The following C9orf153 variants were observed in gnomAD, a reference collection of about 807,000 sequenced individuals.
The protein encoded by C9orf153 is uncharacterized protein C9orf153.
In C9orf153, 10 loss-of-function variants were observed where a neutral mutation model predicts 9.0. The observed-to-expected ratio is 1.11, with a 90% CI of 0.69 to 1.89. The LOEUF (loss-of-function observed/expected upper bound fraction) is 1.89. Ranked by LOEUF, C9orf153 falls within the 40% of genes most tolerant of loss-of-function variation. The pLI, the probability that C9orf153 is intolerant of heterozygous loss-of-function variation, is 0.00. For synonymous variants in C9orf153, 35 were observed against 37.3 expected (o/e 0.94, Z 0.23); for missense variants, 108 against 111.0 (o/e 0.97, Z 0.12).
At chr9:86,248,839 C>G (rs1824927624) in intron 1 of C9orf153, among the ~76,000 whole-genome samples, 1 of 152,130 alleles carries the variant, frequency 6.6e-6, no homozygotes, top group African/African-American at 2.4e-5. Flanking sequence ...CTTAGCCCAC[C>G]TTCCCCATCA....
At chr9:86,256,888 T>G (rs1340884666) in intron 1 of C9orf153, among the ~76,000 whole-genome samples, 3 of 152,134 alleles carry the variant, frequency 2.0e-5, no homozygotes, top group Admixed American at 1.3e-4. Flanking sequence ...AGTGAGTCAC[T>G]GTGGCATGCA....
At chr9:86,240,175 C>T (rs952221119) in intron 1 of C9orf153, among the ~76,000 whole-genome samples, 1 of 151,940 alleles carries the variant, frequency 6.6e-6, no homozygotes, top group African/African-American at 2.4e-5. Context: ...AATTATAATC[C>T]CCATTTTACA....
At chr9:86,229,070 C>G (rs1724933921) in intron 2 of C9orf153, 1 of 164,720 alleles carries the variant, frequency 6.1e-6, no homozygotes, top group Admixed American at 6.4e-5. Context: ...AATTGTGTAT[C>G]TGTCTTGTAA....
At chr9:86,223,696 T>C (rs1230150285) in intron 3 of C9orf153, among the ~76,000 whole-genome samples, 1 of 152,138 alleles carries the variant, frequency 6.6e-6, no homozygotes, top group African/African-American at 2.4e-5. Flanking sequence ...TGGAAAATCG[T>C]TGCTTCCGTA....
At chr9:86,223,851 C>T (rs1370562887) in intron 3 of C9orf153, among the ~76,000 whole-genome samples, 1 of 152,132 alleles carries the variant, frequency 6.6e-6, no homozygotes, top group African/African-American at 2.4e-5. Context: ...GAGCCCAGGT[C>T]CTTGGAGACA....
At chr9:86,228,080 T>C in intron 2 of C9orf153, 50 bp from the exon 3 acceptor site, 1 of 1,378,570 alleles carries the variant, frequency 7.3e-7, no homozygotes, top group Non-Finnish European at 9.9e-7. Context: ...AAAAATGTAA[T>C]ATTCTGGCAG....
chr9:86,224,755 G>A (rs1174940666), intron 3 of C9orf153, among the ~76,000 whole-genome samples: 4 of 140,584 alleles, frequency 2.8e-5, no homozygotes, highest in African/African-American at 8.3e-5. Flanking sequence ...GTAAAACCCC[G>A]TCTCTACTAA....
chr9:86,244,048 C>T (rs1486290909), intron 1 of C9orf153, among the ~76,000 whole-genome samples: 1 of 152,092 alleles, frequency 6.6e-6, no homozygotes, highest in Non-Finnish European at 1.5e-5. Flanking sequence ...AGCCACTAGC[C>T]AAATGTGGTT....
intron 1 of C9orf153, among the ~76,000 whole-genome samples, chr9:86,234,647 C>G (rs7026474): frequency 0.54 from 82,410 of 152,028 alleles, 24,408 homozygotes; most frequent in East Asian, 0.82. Context: ...GTGACCCTGG[C>G]TTAGACAATG....
Position 86,229,334 on chromosome 9 carries a change from C to T in C9orf153, c.66+204G>A, listed in dbSNP as rs373961109. Reference sequence around the variant, plus strand: ...AACGAATTATACAACCACACTATCACGAAAACAGCTCAGCACTTCTGCCCA... The same window carrying T: ...AACGAATTATACAACCACACTATCATGAAAACAGCTCAGCACTTCTGCCCA... On this transcript the variant is annotated intron_variant, in intron 2 of 3. Coordinates refer to ENST00000339137, the MANE Select transcript of C9orf153 (RefSeq NM_001276366.4). Among the ~76,000 whole-genome samples the T allele has an allele frequency of 7.9e-5, 12 of 151,900 alleles. No individual in the cohort carries two copies. In the South Asian group the frequency reaches 1.0e-3, roughly 13 times the overall value.
intron 3 of C9orf153, among the ~76,000 whole-genome samples, chr9:86,226,838 C>T (rs754325170): frequency 2.6e-5 from 4 of 152,146 alleles, no homozygotes; most frequent in Non-Finnish European, 4.4e-5. Flanking sequence ...GATCTCTGCT[C>T]ACTGCAATCT....
chr9:86,236,548 C>CAAAA (rs976982879), intron 1 of C9orf153, among the ~76,000 whole-genome samples: 6 of 65,334 alleles, frequency 9.2e-5, no homozygotes, highest in Admixed American at 2.0e-4. Context: ...GACTCCATCT[C>CAAAA]AAAAAAAAAA....
intron 1 of C9orf153, among the ~76,000 whole-genome samples, chr9:86,254,926 G>T (rs1254012465): frequency 2.6e-5 from 4 of 152,098 alleles, no homozygotes; most frequent in African/African-American, 9.7e-5. Context: ...TTAGCTGGGT[G>T]TGGTGATGCA....
At chr9:86,243,556 C>T (rs1326368584) in intron 1 of C9orf153, among the ~76,000 whole-genome samples, 2 of 151,660 alleles carry the variant, frequency 1.3e-5, no homozygotes, top group Non-Finnish European at 2.9e-5. Context: ...ACCTCTGCCT[C>T]CCAGGTTCAA....
At position 86,254,937 on chromosome 9, in the gene C9orf153, T is replaced by C. The variant is rs147719549; in HGVS notation, c.-27+4613A>G. Among the ~76,000 whole-genome samples the C allele has an allele frequency of 7.0e-4, 106 of 152,120 alleles. 2 individuals are homozygous for C. In the East Asian group the frequency reaches 0.011, roughly 16 times the overall value. On this transcript the variant is annotated intron_variant, in intron 1 of 3. Coordinates refer to ENST00000339137, the MANE Select transcript of C9orf153 (RefSeq NM_001276366.4). ...AAAATTAGCTGGGTGTGGTGATGCA[T>C]GCCTGTAGTCCCAGCTACTGAGGAG...
chr9:86,241,357 A>C (rs1824739703), intron 1 of C9orf153, among the ~76,000 whole-genome samples: 1 of 136,078 alleles, frequency 7.3e-6, no homozygotes, highest in African/African-American at 2.7e-5. Flanking sequence ...CGTGGTAGAT[A>C]CTCATCTTCT....
At chr9:86,243,034 T>C (rs1407436838) in intron 1 of C9orf153, among the ~76,000 whole-genome samples, 1 of 152,194 alleles carries the variant, frequency 6.6e-6, no homozygotes, top group Non-Finnish European at 1.5e-5. Context: ...AAGAGGGGCT[T>C]TGGCACTTTA....
intron 3 of C9orf153, among the ~76,000 whole-genome samples, chr9:86,223,992 C>A (rs1275433860): frequency 6.6e-6 from 1 of 152,164 alleles, no homozygotes; most frequent in African/African-American, 2.4e-5. Context: ...TAGTGGCATG[C>A]ACCTGTAGTC....
intron 1 of C9orf153, among the ~76,000 whole-genome samples, chr9:86,242,812 G>A (rs953119327): frequency 1.3e-5 from 2 of 152,082 alleles, no homozygotes; most frequent in South Asian, 2.1e-4. Context: ...CTGAGTAGCT[G>A]GGATTACAAG....
Sources: gnomAD v4.1 joint callset for allele counts (sites outside exome capture counted in the v4.1 genomes callset) on GRCh38, gnomAD v4.1.1 for gene constraint, MANE v1.5 for transcripts, NCBI Gene and HGNC (gene_info 2026-07-23, HGNC 2026-07-21) for gene names.